CFAP47: variants seen among roughly 807,000 people sequenced by gnomAD.
The protein encoded by CFAP47 is cilia and flagella associated protein 47, also known as cilia- and flagella-associated protein 47.
Under a neutral mutation model 148.1 loss-of-function variants are expected in CFAP47, and 29 were observed. That is an observed-to-expected ratio of 0.20 (90% CI 0.15 to 0.27). CFAP47 has a LOEUF of 0.27. CFAP47 is among the 10% of genes least tolerant of loss of function. The pLI is 1.00. For synonymous variants in CFAP47, 664 were observed against 577.3 expected (o/e 1.15, Z -2.15); for missense variants, 1,872 against 1,697.5 (o/e 1.10, Z -1.81).
intron 57 of CFAP47, among the ~76,000 whole-genome samples, chrX:36,340,694 G>A (rs1314569426): frequency 1.8e-5 from 2 of 111,617 alleles, no homozygotes; most frequent in Admixed American, 1.9e-4. Flanking sequence ...AAGAGGTACT[G>A]GGGATAAGGT....
rs765862630 is a variant in CFAP47 at position 35,967,800 on chromosome X, T to C, written c.1782T>C (p.Thr594=). ...CCTTTCCCAATGACCGAGCTGCAAC[T>C]ATCAGGTCTAAAGACCATCATAAAC... is the stretch of plus-strand genomic sequence containing the variant. ...LLAFPNDRAA[T]IRSKDHHKHF... The change falls in exon 10 of 64, where the codon ACT becomes ACC. Residue 594 remains threonine (T), a synonymous_variant. Coordinates refer to ENST00000378653, the MANE Select transcript of CFAP47 (RefSeq NM_001304548.2). 5.3e-5 allele frequency: 64 copies of C among 1,207,003 alleles called. No homozygotes were observed. The highest frequency in any genetic ancestry group is 7.1e-5 in the Non-Finnish European group (63 of 892,327).
intron 33 of CFAP47, among the ~76,000 whole-genome samples, chrX:36,109,460 C>G (rs1305026227): frequency 9.0e-6 from 1 of 110,886 alleles, no homozygotes; most frequent in Non-Finnish European, 1.9e-5. Context: ...GCCCCTGTTA[C>G]TTTTCGACTA....
chrX:36,065,704 G>A lies in CFAP47; in HGVS notation c.4279G>A (p.Ala1427Thr), dbSNP rs776377067. ...NCILTIYPYM[A>T]IHLDKQNIIL... ...CATTCTTACTATTTACCCATATATGGCAATTCATCTGGATAAGCAAAACAT... is the reference window on the plus strand; with the variant it reads ...CATTCTTACTATTTACCCATATATGACAATTCATCTGGATAAGCAAAACAT... Residue 1427 changes from alanine (A) to threonine (T), a missense_variant, in exon 27 of 64, where the codon GCA becomes ACA. Ala to Thr is a moderately conservative substitution (Grantham distance 58). Coordinates refer to ENST00000378653, the MANE Select transcript of CFAP47 (RefSeq NM_001304548.2). The A allele has an allele frequency of 1.2e-5, 14 of 1,188,387 alleles. No homozygotes were observed. The East Asian group carries it at 2.7e-4, about 23-fold the overall frequency.
In CFAP47 at chrX:36,224,635, T is replaced by C. The variant is rs782266062; in HGVS notation, c.6818-3993T>C. 1.6e-3 allele frequency among the ~76,000 whole-genome samples: 174 copies of C among 111,700 alleles called. 1 individual carries two copies. Among genetic ancestry groups the C allele is most frequent in the African/African-American group, 5.2e-3 (160 of 30,812 alleles). ...TTCTTCTGTACTCTATGAAAAATGATTGGGCTCATCTCATACAGGATTTGA... is the reference window on the plus strand; with the variant it reads ...TTCTTCTGTACTCTATGAAAAATGACTGGGCTCATCTCATACAGGATTTGA... On this transcript the variant is annotated intron_variant, in intron 45 of 63. Coordinates refer to ENST00000378653, the MANE Select transcript of CFAP47 (RefSeq NM_001304548.2).
chrX:35,989,423 G>T lies in CFAP47; in HGVS notation c.2818G>T (p.Ala940Ser). 8.3e-7 allele frequency: 1 copy of T among 1,210,117 alleles called. No individual in the cohort carries two copies. Among genetic ancestry groups the T allele is most frequent in the Non-Finnish European group, 1.1e-6 (1 of 894,131 alleles). ...EFILHVFQGN[A>S]LKLKCVAHLG... is the part of the protein sequence containing the mutation. ...TATTCTTCATGTCTTTCAAGGAAAC[G>T]CGTTGAAGCTAAAATGTGTTGCACA... Residue 940 changes from alanine to serine, a missense_variant, in exon 16 of 64, where the codon GCG (alanine) becomes TCG (serine). Coordinates refer to ENST00000378653, the MANE Select transcript of CFAP47 (RefSeq NM_001304548.2).
At chrX:36,231,123 A>G (rs1279070866) in intron 46 of CFAP47, among the ~76,000 whole-genome samples, 1 of 110,567 alleles carries the variant, frequency 9.0e-6, no homozygotes, top group South Asian at 3.8e-4. Context: ...TTAACTTTAA[A>G]GTAGTTTTTT....
intron 3 of CFAP47, among the ~76,000 whole-genome samples, chrX:35,944,289 T>C (rs1196491510): frequency 9.0e-6 from 1 of 111,458 alleles, no homozygotes; most frequent in Non-Finnish European, 1.9e-5. Flanking sequence ...AATTTTTTTT[T>C]GGAAACTGAT....
At chrX:36,371,775 CATGTGTATATAT>C (rs1941955578) in intron 62 of CFAP47, among the ~76,000 whole-genome samples, 1 of 44,057 alleles carries the variant, frequency 2.3e-5, no homozygotes, top group African/African-American at 3.2e-4. Flanking sequence ...TATATACACA[CATGTGTATATAT>C]GTGTGTATAT....
chrX:35,953,809 A>G, intron 7 of CFAP47, 90 bp downstream of exon 7: 1 of 616,617 alleles, frequency 1.6e-6, no homozygotes, highest in Non-Finnish European at 2.3e-6. Context: ...ACAATCTAAT[A>G]AAATATATAA....
intron 8 of CFAP47, among the ~76,000 whole-genome samples, chrX:35,962,259 C>A (rs1936341768): frequency 9.0e-6 from 1 of 111,720 alleles, no homozygotes; most frequent in Admixed American, 9.5e-5. Context: ...ATGTTTCATT[C>A]AAAGTGCGAA....
At chrX:36,303,213 G>A (rs1314264932) in intron 53 of CFAP47, among the ~76,000 whole-genome samples, 1 of 111,361 alleles carries the variant, frequency 9.0e-6, no homozygotes, top group Non-Finnish European at 1.9e-5. Flanking sequence ...TAGAGACAGG[G>A]TCTTGCTCTG....
At chrX:35,972,151 A>T (rs1936503371) in intron 13 of CFAP47, among the ~76,000 whole-genome samples, 186 bp downstream of exon 13, 1 of 112,233 alleles carries the variant, frequency 8.9e-6, no homozygotes, top group Admixed American at 9.5e-5. Context: ...ATTTAAAGTT[A>T]TATAACCACC....
intron 39 of CFAP47, among the ~76,000 whole-genome samples, chrX:36,168,195 A>T (rs1939516497): frequency 8.9e-6 from 1 of 111,733 alleles, no homozygotes; most frequent in Non-Finnish European, 1.9e-5. Flanking sequence ...TCTGTAATCT[A>T]GTAGATTTTA....
intron 46 of CFAP47, among the ~76,000 whole-genome samples, chrX:36,234,152 A>G (rs1187841248): frequency 9.2e-6 from 1 of 108,741 alleles, no homozygotes; most frequent in Admixed American, 9.8e-5. Context: ...CTGAATCTGA[A>G]TGTTGGCCTG....
At chrX:36,138,973 A>G (rs916606359) in intron 35 of CFAP47, among the ~76,000 whole-genome samples, 9 of 111,625 alleles carry the variant, frequency 8.1e-5, no homozygotes, top group Non-Finnish European at 1.7e-4. Flanking sequence ...TCAAAAATAT[A>G]TTGGATTCTT....
chrX:35,939,363 A>G (rs1279817125), intron 2 of CFAP47, among the ~76,000 whole-genome samples: 5 of 106,126 alleles, frequency 4.7e-5, no homozygotes, highest in Non-Finnish European at 7.7e-5. Context: ...TTACATATGT[A>G]TACATGTGCC....
chrX:36,326,304 AACACACAC>A (rs56939762), intron 57 of CFAP47, among the ~76,000 whole-genome samples: 1 of 103,536 alleles, frequency 9.7e-6, no homozygotes, highest in Non-Finnish European at 2.0e-5. Context: ...CCAATTTCCA[AACACACAC>A]ACACACACAC....
At chrX:35,954,195 C>T (rs765399132) in intron 7 of CFAP47, among the ~76,000 whole-genome samples, 20 of 110,943 alleles carry the variant, frequency 1.8e-4, no homozygotes, top group Non-Finnish European at 3.2e-4. Context: ...ACATGTTTTG[C>T]AGGCCACATG....
intron 39 of CFAP47, among the ~76,000 whole-genome samples, chrX:36,171,480 T>A (rs1413623416): frequency 1.1e-4 from 12 of 105,840 alleles, no homozygotes; most frequent in Non-Finnish European, 1.9e-4. Flanking sequence ...TTGTATAAGG[T>A]GTAAGGAAGG....
Sources: gnomAD v4.1 joint callset for allele counts (sites outside exome capture counted in the v4.1 genomes callset) on GRCh38, gnomAD v4.1.1 for gene constraint, MANE v1.5 for transcripts, NCBI Gene and HGNC (gene_info 2026-07-23, HGNC 2026-07-21) for gene names.